TBX20: variants seen among roughly 807,000 people sequenced by gnomAD.
TBX20 encodes the protein T-box transcription factor 20, also known as T-box transcription factor TBX20.
A neutral mutation model predicts 42.9 loss-of-function variants in TBX20; 8 were observed. The ratio of observed to expected loss-of-function variants is 0.19; its 90% CI spans 0.11 to 0.34. The LOEUF is 0.34. Ranked by LOEUF, TBX20 falls within the 10% of genes least tolerant of loss-of-function variation. TBX20 has a pLI of 1.00. For missense variants in TBX20, 411 were observed against 566.0 expected (o/e 0.73, Z 2.78); for synonymous variants, 198 against 222.8 (o/e 0.89, Z 0.99).
chr7:35,230,176 C>T (rs548459294), intron 6 of TBX20, among the ~76,000 whole-genome samples: 15 of 152,316 alleles, frequency 9.8e-5, no homozygotes, highest in African/African-American at 3.6e-4. Context: ...TGCAGCAGGG[C>T]TTCTGGCCCT....
chr7:35,228,400 G>C (rs1333233219), intron 6 of TBX20, among the ~76,000 whole-genome samples: 2 of 152,050 alleles, frequency 1.3e-5, no homozygotes, highest in Non-Finnish European at 2.9e-5. Context: ...ACGTGCATAA[G>C]AAAGTATCTG....
chr7:35,207,901 A>C (rs886214171), intron 6 of TBX20, among the ~76,000 whole-genome samples: 1 of 152,026 alleles, frequency 6.6e-6, no homozygotes. Context: ...TTTTTTTTCA[A>C]AGTTGTTTTG....
chr7:35,228,954 A>G (rs1584349500), intron 6 of TBX20, among the ~76,000 whole-genome samples: 2 of 152,182 alleles, frequency 1.3e-5, no homozygotes, highest in East Asian at 1.9e-4. Flanking sequence ...AAGTACCTCA[A>G]TGGGAGCTAG....
At chr7:35,242,659 AT>A (rs1437661171) in intron 4 of TBX20, among the ~76,000 whole-genome samples, 1 of 152,136 alleles carries the variant, frequency 6.6e-6, no homozygotes. Flanking sequence ...CTGAAGGTTA[AT>A]TTCCTTTGGG....
intron 6 of TBX20, among the ~76,000 whole-genome samples, chr7:35,216,013 A>G (rs1789583369): frequency 1.3e-5 from 2 of 152,146 alleles, no homozygotes. Context: ...CTCCTTTGCA[A>G]CACCATTGTT....
At chr7:35,232,016 T>C (rs1789875677) in intron 5 of TBX20, among the ~76,000 whole-genome samples, 3 of 152,204 alleles carry the variant, frequency 2.0e-5, no homozygotes, top group Admixed American at 6.5e-5. Flanking sequence ...TCTTTTTTAG[T>C]ACTGTGAGTA....
In TBX20 at chr7:35,253,930, A is replaced by C; in HGVS notation, c.-310T>G. ...ACAGTCTGCACAGCCCGAAGGCGGA[A>C]ACGAGCATCAACTGCACAAAGTCCT... is the stretch of plus-strand genomic sequence containing the variant. On this transcript the variant is annotated 5_prime_UTR_variant, in exon 1 of 8. Coordinates refer to ENST00000408931, the MANE Select transcript of TBX20 (RefSeq NM_001077653.2). 3.0e-6 allele frequency: 1 copy of C among 338,922 alleles called. No homozygotes were observed. Among genetic ancestry groups the C allele is most frequent in the Non-Finnish European group, 5.5e-6 (1 of 182,582 alleles). The allele number at this position is 338,922 out of a possible 1,614,324, so 21.0% of individuals were successfully genotyped here.
At chr7:35,204,678 T>C (rs1789370961) in intron 6 of TBX20, 96 bp from the exon 7 acceptor site, 1 of 903,182 alleles carries the variant, frequency 1.1e-6, no homozygotes. Flanking sequence ...GTAAAACCAT[T>C]TTCTCAGCCA....
intron 6 of TBX20, among the ~76,000 whole-genome samples, chr7:35,205,586 T>C (rs1348765347): frequency 6.6e-6 from 1 of 152,228 alleles, no homozygotes; most frequent in Non-Finnish European, 1.5e-5. Context: ...AATGTCATAA[T>C]AACTTTTTAA....
intron 6 of TBX20, among the ~76,000 whole-genome samples, chr7:35,210,600 T>C (rs1265579045): frequency 6.6e-6 from 1 of 152,192 alleles, no homozygotes; most frequent in Non-Finnish European, 1.5e-5. Context: ...GACATAAAGA[T>C]GTAGGACTGT....
At chr7:35,248,895 A>C in intron 2 of TBX20, 54 bp from the exon 3 acceptor site, 1 of 1,603,322 alleles carries the variant, frequency 6.2e-7, no homozygotes, top group South Asian at 1.1e-5. Context: ...TAATAAACTG[A>C]CCTGAATTAG....
At chr7:35,230,526 C>A (rs1789849038) in intron 6 of TBX20, among the ~76,000 whole-genome samples, 3 of 152,100 alleles carry the variant, frequency 2.0e-5, no homozygotes, top group Admixed American at 1.3e-4. Flanking sequence ...CAAACCTCCC[C>A]CTCACATTCT....
intron 5 of TBX20, among the ~76,000 whole-genome samples, chr7:35,240,078 A>G (rs1174682547): frequency 1.3e-5 from 2 of 152,206 alleles, no homozygotes; most frequent in African/African-American, 2.4e-5. Context: ...AATGTGATGT[A>G]CAACAGAGAG....
intron 7 of TBX20, 65 bp from the exon 8 acceptor site, chr7:35,202,835 A>T: frequency 6.6e-7 from 1 of 1,523,246 alleles, no homozygotes; most frequent in South Asian, 1.2e-5. Flanking sequence ...GAATTAAATT[A>T]TCTGTAAAGA....
At chr7:35,225,580 T>C (rs180754186) in intron 6 of TBX20, among the ~76,000 whole-genome samples, 10 of 152,350 alleles carry the variant, frequency 6.6e-5, no homozygotes, top group Non-Finnish European at 1.0e-4. Context: ...GTGCAGAACG[T>C]ACAAACTCGA....
intron 5 of TBX20, among the ~76,000 whole-genome samples, chr7:35,233,878 G>A (rs1316626720): frequency 6.6e-6 from 1 of 152,150 alleles, no homozygotes; most frequent in African/African-American, 2.4e-5. Context: ...GCTAGATGTC[G>A]GATGACATGC....
At chr7:35,246,402 T>G (rs1472419915) in intron 3 of TBX20, among the ~76,000 whole-genome samples, 2 of 152,204 alleles carry the variant, frequency 1.3e-5, no homozygotes, top group African/African-American at 4.8e-5. Flanking sequence ...GTTTTACTGA[T>G]CAGAACCACA....
intron 1 of TBX20, 26 bp downstream of exon 1, chr7:35,253,468 G>T: frequency 6.2e-7 from 1 of 1,602,376 alleles, no homozygotes; most frequent in Non-Finnish European, 8.5e-7. Flanking sequence ...CCAGTCCTCG[G>T]CGGACAGCCG....
rs776894989 is a variant in TBX20, at chr7:35,250,208, A to G, written c.128-5T>C. 1.9e-6 allele frequency: 3 copies of G among 1,613,982 alleles called. No homozygotes were observed. The highest frequency in any genetic ancestry group is 2.5e-6 in the Non-Finnish European group (3 of 1,179,992). On this transcript the variant is annotated splice_polypyrimidine_tract_variant and splice_region_variant and intron_variant, in intron 1 of 7. Coordinates refer to ENST00000408931, the MANE Select transcript of TBX20 (RefSeq NM_001077653.2). ...ACGACTTCTCCACAAATTGCTCTGGAGGTAAAGAGAATTGTGAATGACAGC... is the reference window on the plus strand; with the variant it reads ...ACGACTTCTCCACAAATTGCTCTGGGGGTAAAGAGAATTGTGAATGACAGC...
Sources: allele counts gnomAD v4.1 joint callset (sites outside exome capture counted in the v4.1 genomes callset), GRCh38; gene constraint gnomAD v4.1.1; transcripts MANE v1.5; gene names NCBI Gene and HGNC (gene_info 2026-07-23, HGNC 2026-07-21).